The following MID2 variants were observed in gnomAD, a reference collection of about 807,000 sequenced individuals.
MID2 encodes the protein midline 2, also known as probable E3 ubiquitin-protein ligase MID2.
Under a neutral mutation model 46.1 loss-of-function variants are expected in MID2, and 13 were observed. That is an observed-to-expected ratio of 0.28 (90% CI 0.18 to 0.45). The LOEUF (loss-of-function observed/expected upper bound fraction) is 0.45. Ranked by LOEUF, MID2 falls within the 20% of genes least tolerant of loss-of-function variation. The pLI is 1.00. For synonymous variants in MID2, 199 were observed against 212.3 expected (o/e 0.94, Z 0.55); for missense variants, 431 against 575.4 (o/e 0.75, Z 2.57).
At chrX:107,918,679 C>T (rs1008777550) in intron 7 of MID2, among the ~76,000 whole-genome samples, 2 of 111,706 alleles carry the variant, frequency 1.8e-5, no homozygotes, top group Admixed American at 1.9e-4. Context: ...ACCTAAACCA[C>T]TTGGCCCATG....
At chrX:107,893,313 A>G (rs1418409010) in intron 3 of MID2, among the ~76,000 whole-genome samples, 3 of 112,704 alleles carry the variant, frequency 2.7e-5, no homozygotes, top group Non-Finnish European at 5.6e-5. Context: ...CTGCTAGACT[A>G]TGAAACTATG....
At chrX:107,925,739 C>A (rs960529244) in intron 8 of MID2, among the ~76,000 whole-genome samples, 4 of 111,310 alleles carry the variant, frequency 3.6e-5, no homozygotes, top group Admixed American at 2.9e-4. Context: ...TTTGAGCACT[C>A]CCTTTTACTT....
At chrX:107,880,359 C>T (rs907721806) in intron 3 of MID2, among the ~76,000 whole-genome samples, 1 of 110,992 alleles carries the variant, frequency 9.0e-6, no homozygotes, top group Non-Finnish European at 1.9e-5. Context: ...TAGGCTCAAG[C>T]GATCTGCCCA....
At chrX:107,899,835 C>G (rs769380845) in intron 3 of MID2, among the ~76,000 whole-genome samples, 2 of 111,594 alleles carry the variant, frequency 1.8e-5, no homozygotes, top group African/African-American at 3.3e-5. Context: ...TTCCACAAAC[C>G]AACCAACCAG....
chrX:107,843,517 C>T (rs372779433), intron 2 of MID2, among the ~76,000 whole-genome samples: 1 of 111,549 alleles, frequency 9.0e-6, no homozygotes, highest in African/African-American at 3.3e-5. Context: ...AGGAAATGTG[C>T]AGAAAATTCT....
chrX:107,845,485 G>T (rs889337283), intron 2 of MID2, among the ~76,000 whole-genome samples: 1 of 92,333 alleles, frequency 1.1e-5, no homozygotes, highest in Admixed American at 1.2e-4. Context: ...TTTTATCATG[G>T]GAAAGTAACA....
intron 6 of MID2, 114 bp downstream of exon 6, chrX:107,916,243 A>G (rs1425203570): frequency 3.5e-6 from 2 of 565,226 alleles, no homozygotes; most frequent in Non-Finnish European, 5.0e-6. Flanking sequence ...TATAATCTTT[A>G]AAATGATGCA....
In MID2 at chrX:107,927,683, CT is replaced by C. The variant is rs1485028572; in HGVS notation, c.*618del. Among the ~76,000 whole-genome samples the C allele has an allele frequency of 2.7e-5, 3 of 111,165 alleles. No homozygotes were observed. Among genetic ancestry groups the C allele is most frequent in the Non-Finnish European group, 5.7e-5 (3 of 52,886 alleles). On this transcript the variant is annotated 3_prime_UTR_variant, in exon 10 of 10. Coordinates refer to ENST00000262843, the MANE Select transcript of MID2 (RefSeq NM_012216.4). Reference sequence around the variant, plus strand: ...TTATATATTACATATACACAAAAAACTTTTTTTTCCAAACACCACCTCGAAC... The same window carrying C: ...TTATATATTACATATACACAAAAAACTTTTTTTCCAAACACCACCTCGAAC...
In MID2 at chrX:107,826,064, C is replaced by CT. The variant is rs989397048; in HGVS notation, c.-355dup. 13 of 293,242 alleles carry CT rather than the reference C, an allele frequency of 4.4e-5. No homozygotes were observed. Among genetic ancestry groups the CT allele is most frequent in the Admixed American group, 3.1e-4 (5 of 16,176 alleles). 24.2% of individuals were successfully genotyped at this position (293,242 alleles called of 1,213,427 possible). ...CCGCCTCCCTTTTGGAAGGGATTGCCTTTTTTTTCCTCTGCGGCGGCGGAA... is the reference window on the plus strand; with the variant it reads ...CCGCCTCCCTTTTGGAAGGGATTGCCTTTTTTTTTCCTCTGCGGCGGCGGAA... On this transcript the variant is annotated 5_prime_UTR_variant, in exon 1 of 10. Coordinates refer to ENST00000262843, the MANE Select transcript of MID2 (RefSeq NM_012216.4).
chrX:107,887,353 A>G (rs1268372287), intron 3 of MID2, among the ~76,000 whole-genome samples: 1 of 111,991 alleles, frequency 8.9e-6, no homozygotes, highest in East Asian at 2.8e-4. Flanking sequence ...AATTTTGTCA[A>G]AGGTCTTTTC....
At chrX:107,839,605 C>T (rs1052241118) in intron 1 of MID2, among the ~76,000 whole-genome samples, 3 of 111,492 alleles carry the variant, frequency 2.7e-5, no homozygotes, top group Admixed American at 1.9e-4. Context: ...CTCCTAACCT[C>T]GTGATCCACC....
intron 3 of MID2, among the ~76,000 whole-genome samples, chrX:107,879,132 C>T (rs1330789262): frequency 9.0e-6 from 1 of 111,354 alleles, no homozygotes; most frequent in Non-Finnish European, 1.9e-5. Context: ...ACCCCTGAAG[C>T]CCCAGAAAGA....
At chrX:107,859,712 A>G (rs1446309028) in intron 3 of MID2, among the ~76,000 whole-genome samples, 1 of 112,517 alleles carries the variant, frequency 8.9e-6, no homozygotes, top group Non-Finnish European at 1.9e-5. Context: ...TGCAGAATGG[A>G]AAAAAAATGA....
chrX:107,850,303 T>A (rs1278376757), intron 2 of MID2, among the ~76,000 whole-genome samples: 1 of 111,258 alleles, frequency 9.0e-6, no homozygotes, highest in Non-Finnish European at 1.9e-5. Context: ...TGGCCCAGAA[T>A]TTTTTGTTCT....
intron 3 of MID2, among the ~76,000 whole-genome samples, chrX:107,874,278 G>A (rs886176414): frequency 8.9e-6 from 1 of 112,240 alleles, no homozygotes; most frequent in Non-Finnish European, 1.9e-5. Context: ...CCCTCTAATA[G>A]CAGAACTTGA....
chrX:107,841,826 G>C (rs1237363741), intron 2 of MID2, among the ~76,000 whole-genome samples: 3 of 110,871 alleles, frequency 2.7e-5, no homozygotes, highest in Non-Finnish European at 5.7e-5. Context: ...GTGTAGGTGT[G>C]GGTGGAGGTG....
intron 3 of MID2, chrX:107,896,247 TG>T (rs1219274204): frequency 2.8e-5 from 3 of 108,392 alleles, no homozygotes; most frequent in South Asian, 4.1e-4. Flanking sequence ...TCGGCGGGGT[TG>T]GGGGGGTTTG....
chrX:107,860,278 G>T (rs1931827970), intron 3 of MID2, among the ~76,000 whole-genome samples: 1 of 111,800 alleles, frequency 8.9e-6, no homozygotes, highest in African/African-American at 3.3e-5. Context: ...TGATCCACAG[G>T]GTTCTGGTTT....
chrX:107,839,102 G>A (rs949732548), intron 1 of MID2, among the ~76,000 whole-genome samples: 48 of 110,347 alleles, frequency 4.3e-4, no homozygotes, highest in African/African-American at 1.4e-3. Context: ...GAATGACAGA[G>A]GGACACCTTG....
Sources: gnomAD v4.1 joint callset for allele counts (sites outside exome capture counted in the v4.1 genomes callset) on GRCh38, gnomAD v4.1.1 for gene constraint, MANE v1.5 for transcripts, NCBI Gene and HGNC (gene_info 2026-07-23, HGNC 2026-07-21) for gene names.